RIN3: variants seen among roughly 807,000 people sequenced by gnomAD.
The protein encoded by RIN3 is RAB5 interacting protein 3.
Under a neutral mutation model 76.3 loss-of-function variants are expected in RIN3, and 54 were observed. That is an observed-to-expected ratio of 0.71 (90% CI 0.57 to 0.89). The LOEUF (loss-of-function observed/expected upper bound fraction) is 0.89, where lower values mean the gene tolerates loss of function less well. Among genes scored for constraint, RIN3 ranks in the 40% least tolerant of loss-of-function variants. The pLI, the probability that RIN3 is intolerant of heterozygous loss-of-function variation, is 0.00. For missense variants in RIN3, 1,256 were observed against 1,322.1 expected (o/e 0.95, Z 0.78); for synonymous variants, 576 against 564.0 (o/e 1.02, Z -0.30).
In RIN3 at chr14:92,648,151, C is replaced by T. The variant is rs1887271798; in HGVS notation, c.533-3431C>T. 6.6e-6 allele frequency among the ~76,000 whole-genome samples: 1 copy of T among 151,138 alleles called. No individual in the cohort carries two copies. Among genetic ancestry groups the T allele is most frequent in the Admixed American group, 6.6e-5 (1 of 15,206 alleles). ...TGCCACTGTGGTTCCCTAACAGGTC[C>T]CAAGACCCCAGGATGCAGCCCATTA... is the stretch of plus-strand genomic sequence containing the variant. On this transcript the variant is annotated intron_variant, in intron 5 of 9. Coordinates refer to ENST00000216487, the MANE Select transcript of RIN3 (RefSeq NM_024832.5). This position sits in a 1 kb window ranked among gnomAD's most constrained non-coding sequence, Gnocchi z 4.1.
intron 4 of RIN3, among the ~76,000 whole-genome samples, chr14:92,616,340 T>C (rs1323427285): frequency 1.3e-5 from 2 of 152,228 alleles, no homozygotes; most frequent in East Asian, 1.9e-4. Flanking sequence ...ATTTTGGGAA[T>C]ATTAAATACC....
At chr14:92,653,889 G>A (rs1019787516) in intron 6 of RIN3, among the ~76,000 whole-genome samples, 2 of 151,748 alleles carry the variant, frequency 1.3e-5, no homozygotes, top group Non-Finnish European at 2.9e-5. Flanking sequence ...ATGGAGGCAC[G>A]CACCTGTAGT....
rs1308136290 is a variant in RIN3 at position 92,683,830 on chromosome 14, CTTCTT to C, written c.2468-1156_2468-1152del. Among the ~76,000 whole-genome samples the C allele has an allele frequency of 3.9e-5, 6 of 152,292 alleles. 1 individual carries two copies. The highest frequency in any genetic ancestry group is 1.4e-4 in the African/African-American group (6 of 41,564). On this transcript the variant is annotated intron_variant, in intron 8 of 9. Transcript: ENST00000216487. ...TATAACCATAATTAAAATTTCCTCTCTTCTTAAAAATTATTTTTAGAATAGATAAT... is the reference window on the plus strand; with the variant it reads ...TATAACCATAATTAAAATTTCCTCTCAAAAATTATTTTTAGAATAGATAAT...
chr14:92,539,818 A>G (rs1461242401), intron 1 of RIN3, among the ~76,000 whole-genome samples: 1 of 152,172 alleles, frequency 6.6e-6, no homozygotes, highest in Non-Finnish European at 1.5e-5. Flanking sequence ...GCAGAGCCCA[A>G]GGAGAAGGCA....
intron 4 of RIN3, among the ~76,000 whole-genome samples, chr14:92,626,192 GTTA>G (rs1373020282): frequency 1.3e-5 from 2 of 152,174 alleles, no homozygotes; most frequent in Non-Finnish European, 1.5e-5. Context: ...AGACTGCATT[GTTA>G]TTATCCCATT....
chr14:92,556,859 GT>G (rs1350852917), intron 2 of RIN3, among the ~76,000 whole-genome samples: 3 of 152,160 alleles, frequency 2.0e-5, no homozygotes, highest in African/African-American at 7.2e-5. Flanking sequence ...CCCCAGAAGT[GT>G]TTTCTTTTTT....
chr14:92,612,920 G>A (rs905326810), intron 3 of RIN3, among the ~76,000 whole-genome samples: 21 of 152,218 alleles, frequency 1.4e-4, no homozygotes, highest in African/African-American at 4.8e-4. Flanking sequence ...CCAAAGCCTT[G>A]TAAGGATGCT....
At chr14:92,646,483 G>A (rs1595480322) in intron 5 of RIN3, among the ~76,000 whole-genome samples, 1 of 152,172 alleles carries the variant, frequency 6.6e-6, no homozygotes. Flanking sequence ...TGCCCAGGCT[G>A]GAGTGCAGTG....
At chr14:92,537,598 T>C (rs1192684731) in intron 1 of RIN3, among the ~76,000 whole-genome samples, 1 of 151,096 alleles carries the variant, frequency 6.6e-6, no homozygotes, top group Non-Finnish European at 1.5e-5. Context: ...TGTACTAACT[T>C]ATGCTTCCAC....
chr14:92,571,704 A>G (rs1898065057), intron 2 of RIN3, among the ~76,000 whole-genome samples: 1 of 152,240 alleles, frequency 6.6e-6, no homozygotes, highest in African/African-American at 2.4e-5. Context: ...CTTCAAATTC[A>G]GGAGTTCCCA....
chr14:92,581,896 C>T (rs954724965), intron 3 of RIN3, among the ~76,000 whole-genome samples: 1 of 152,142 alleles, frequency 6.6e-6, no homozygotes, highest in African/African-American at 2.4e-5. Context: ...GATGGAAAAT[C>T]ACTAAGGGGA....
chr14:92,538,855 G>T (rs1440541028), intron 1 of RIN3, among the ~76,000 whole-genome samples: 1 of 152,068 alleles, frequency 6.6e-6, no homozygotes, highest in Admixed American at 6.5e-5. Context: ...TCCCAGCTCT[G>T]CCACTTGCTA....
chr14:92,629,014 T>G (rs944670614), intron 4 of RIN3, among the ~76,000 whole-genome samples: 1 of 152,106 alleles, frequency 6.6e-6, no homozygotes, highest in Non-Finnish European at 1.5e-5. Context: ...GCATTTAGGC[T>G]TCTCCACATG....
At chr14:92,554,778 C>G (rs1897531435) in intron 1 of RIN3, among the ~76,000 whole-genome samples, 1 of 152,110 alleles carries the variant, frequency 6.6e-6, no homozygotes, top group Non-Finnish European at 1.5e-5. Context: ...CAAAAATTAG[C>G]CGGGCATGGT....
intron 3 of RIN3, among the ~76,000 whole-genome samples, chr14:92,614,454 T>C (rs1885870674): frequency 6.6e-6 from 1 of 152,232 alleles, no homozygotes; most frequent in Admixed American, 6.5e-5. Flanking sequence ...GAAACTTCTG[T>C]GTTATTTTGT....
At chr14:92,532,925 G>A (rs1487087208) in intron 1 of RIN3, among the ~76,000 whole-genome samples, 1 of 152,192 alleles carries the variant, frequency 6.6e-6, no homozygotes, top group Non-Finnish European at 1.5e-5. Flanking sequence ...CTCAGGCAAA[G>A]ACCTGGTCCA....
intron 3 of RIN3, among the ~76,000 whole-genome samples, chr14:92,603,575 C>T (rs765880746): frequency 1.3e-5 from 2 of 152,176 alleles, no homozygotes; most frequent in African/African-American, 4.8e-5. Flanking sequence ...GGCCTGTGCC[C>T]GGTCTGTGCT....
chr14:92,599,680 T>C (rs1448191751), intron 3 of RIN3, among the ~76,000 whole-genome samples: 1 of 151,990 alleles, frequency 6.6e-6, no homozygotes. Flanking sequence ...GAGTGCAAGG[T>C]AGAGATTTGA....
At chr14:92,570,180 G>A (rs1055258450) in intron 2 of RIN3, among the ~76,000 whole-genome samples, 2 of 152,210 alleles carry the variant, frequency 1.3e-5, no homozygotes, top group Non-Finnish European at 2.9e-5. Context: ...GAGGGCTCCA[G>A]CCTCAGCTCC....
Sources: allele counts gnomAD v4.1 joint callset (sites outside exome capture counted in the v4.1 genomes callset), GRCh38; gene constraint gnomAD v4.1.1; non-coding constraint Gnocchi (gnomAD v3.1); transcripts MANE v1.5; gene names NCBI Gene and HGNC (gene_info 2026-07-23, HGNC 2026-07-21).